The following SELENON variants were observed in gnomAD, a reference collection of about 807,000 sequenced individuals.
SELENON encodes the protein selenoprotein N.
A neutral mutation model predicts 59.5 loss-of-function variants in SELENON; 44 were observed. That is an observed-to-expected ratio of 0.74 (90% CI 0.58 to 0.95). The LOEUF is 0.95. Among genes scored for constraint, SELENON ranks in the 40% least tolerant of loss-of-function variants. The pLI is 0.00. For missense variants in SELENON, 674 were observed against 721.4 expected (o/e 0.93, Z 0.75); for synonymous variants, 320 against 305.6 (o/e 1.05, Z -0.49).
chr1:25,801,765 T>A (rs1392513469), intron 2 of SELENON, among the ~76,000 whole-genome samples: 4 of 152,174 alleles, frequency 2.6e-5, no homozygotes, highest in Non-Finnish European at 5.9e-5. Context: ...TCTTTAAACC[T>A]CACAGTAGCC....
intron 10 of SELENON, among the ~76,000 whole-genome samples, chr1:25,813,294 C>T (rs1425041281): frequency 6.6e-6 from 1 of 152,134 alleles, no homozygotes; most frequent in Non-Finnish European, 1.5e-5. Context: ...AGTGCCCCAC[C>T]CTCACCCCGT....
At chr1:25,805,360 C>T in intron 4 of SELENON, 85 bp downstream of exon 3, 1 of 1,583,392 alleles carries the variant, frequency 6.3e-7, no homozygotes, top group South Asian at 1.1e-5. Context: ...TTTCCTCTGC[C>T]CTCTGTGTGC....
intron 6 of SELENON, 60 bp from the exon 6 acceptor site, chr1:25,809,623 T>G: frequency 1.2e-6 from 2 of 1,607,774 alleles, no homozygotes; most frequent in Non-Finnish European, 1.7e-6. Context: ...TGGCCAAGGC[T>G]TCCCGGGCTC....
At chr1:25,815,526 C>T in intron 12 of SELENON, 22 bp from the exon 12 acceptor site, 2 of 1,613,396 alleles carry the variant, frequency 1.2e-6, no homozygotes, top group Non-Finnish European at 1.7e-6. Context: ...GCCCCACTTG[C>T]CTCACCCGGC....
intron 5 of SELENON, 97 bp from the exon 5 acceptor site, chr1:25,808,929 G>GAC: frequency 6.2e-7 from 1 of 1,602,038 alleles, no homozygotes; most frequent in Non-Finnish European, 8.5e-7. Context: ...CCTCCCCATG[G>GAC]GGCCCCTGGG....
chr1:25,811,879 G>C lies in SELENON; in HGVS notation c.1281G>C (p.Lys427Asn), dbSNP rs1467707939. 6.4e-7 allele frequency: 1 copy of C among 1,558,882 alleles called. No individual in the cohort carries two copies. The stretch of plus-strand genomic sequence containing the variant: ...AGGTGGCCATGTACCCCTTCAAGAA[G>C]GTGAGGCTGGGCAGGGGTGAAGGCC... The change falls in exon 9 of 13, where the codon AAG becomes AAC. Residue 427 changes from lysine to asparagine, a missense_variant and splice_region_variant. Coordinates refer to ENST00000361547, the MANE Select transcript of SELENON (RefSeq NM_020451.3).
chr1:25,804,525 CCTT>C (rs903880401), intron 3 of SELENON, among the ~76,000 whole-genome samples: 1 of 150,896 alleles, frequency 6.6e-6, no homozygotes, highest in Non-Finnish European at 1.5e-5. Context: ...CAAAATGAAT[CCTT>C]CTATACTGGG....
At position 25,815,700 on chromosome 1, in the gene SELENON, G is replaced by A. The variant is rs1438423000; in HGVS notation, c.1755G>A (p.Leu585=). The change falls in exon 13 of 13, where the codon CTG becomes CTA. Residue 585 remains leucine, a synonymous_variant. Transcript: ENST00000361547. ...TGAAGGAGGGACTCCGGCGTGGCCTGCCCCTCCTCCAGCCCTAGAGTGCCT... is the reference window on the plus strand; with the variant it reads ...TGAAGGAGGGACTCCGGCGTGGCCTACCCCTCCTCCAGCCCTAGAGTGCCT... 1 of 1,614,010 alleles carries A rather than the reference G, an allele frequency of 6.2e-7. No individual in the cohort carries two copies. The highest frequency in any genetic ancestry group is 1.7e-5 in the Admixed American group (1 of 60,024).
In SELENON at chr1:25,801,153, G is replaced by T. The variant is rs529092240; in HGVS notation, c.294G>T (p.Lys98Asn). 6.2e-7 allele frequency: 1 copy of T among 1,613,282 alleles called. No homozygotes were observed. Among genetic ancestry groups the T allele is most frequent in the Non-Finnish European group, 8.5e-7 (1 of 1,179,222 alleles). Residue 98 changes from lysine (K) to asparagine (N), a missense_variant, in exon 2 of 13, where the codon AAG becomes AAT. Physicochemically the swap from Lys to Asn is moderately conservative, Grantham distance 94. Transcript: ENST00000361547. ...AGGAGTTCAAACCCATTGCTGAGAA[G>T]CTAACAGGTACCAGGAGAGACTGGC...
chr1:25,802,989 T>C (rs2047872912), intron 3 of SELENON, among the ~76,000 whole-genome samples: 1 of 152,174 alleles, frequency 6.6e-6, no homozygotes, highest in Non-Finnish European at 1.5e-5. Flanking sequence ...ATTGTGTAGG[T>C]TGGTTCCGTG....
At position 25,800,712 on chromosome 1, in the gene SELENON, T is replaced by C. The variant is rs6676343; in HGVS notation, c.183+299T>C. On this transcript the variant is annotated intron_variant, in intron 1 of 12. Transcript: ENST00000361547. ...TGGTTCCCGCAGAGTCTTAAAGGGT[T>C]ACTGGGGAGCCCTGGGACAGTGAGG... Among the ~76,000 whole-genome samples the C allele has an allele frequency of 0.82, 124,006 of 151,198 alleles. 51,010 individuals are homozygous for C. Among genetic ancestry groups the C allele is most frequent in the East Asian group, 0.98 (4,995 of 5,106 alleles).
intron 1 of SELENON, 65 bp from the exon 2 acceptor site, chr1:25,800,978 G>C (rs1312334920): frequency 7.0e-6 from 9 of 1,290,230 alleles, no homozygotes; most frequent in South Asian, 5.9e-5. Context: ...GGAAGCAACT[G>C]CCTGTTGGGG....
Position 25,812,556 on chromosome 1 carries a change from TACACACAAACACAC to T in SELENON, c.1282-123_1282-110del, listed in dbSNP as rs1424842411. 728 of 527,930 alleles carry T rather than the reference TACACACAAACACAC, an allele frequency of 1.4e-3. 2 individuals are homozygous for T. Among genetic ancestry groups the T allele is most frequent in the African/African-American group, 0.013 (525 of 40,352 alleles). 32.7% of individuals were successfully genotyped at this position (527,930 alleles called of 1,614,324 possible). A position where few individuals can be genotyped will look rare whatever the true frequency, so the allele number is the denominator to read the frequency against. ...AGACATACACACAAATATATATGCC[TACACACAAACACAC>T]ACACACACACACACACACACACACA... On this transcript the variant is annotated intron_variant, in intron 9 of 12. Coordinates refer to ENST00000361547, the MANE Select transcript of SELENON (RefSeq NM_020451.3).
chr1:25,814,664 A>G (rs576880101), intron 12 of SELENON, among the ~76,000 whole-genome samples: 1 of 152,286 alleles, frequency 6.6e-6, no homozygotes, highest in South Asian at 2.1e-4. Context: ...TACCCATTTT[A>G]TAAACAAGGA....
chr1:25,815,951 C>T lies in SELENON; in HGVS notation c.*233C>T. On this transcript the variant is annotated 3_prime_UTR_variant, in exon 13 of 13. Transcript: ENST00000361547. ...CTCTAGCTCTGACTGTCACTCGGCT[C>T]TCCCTACCCATTTGGCTCTGGAAGC... 3.6e-6 allele frequency: 2 copies of T among 553,898 alleles called. No homozygotes were observed. Among genetic ancestry groups the T allele is most frequent in the Non-Finnish European group, 6.5e-6 (2 of 307,338 alleles). The allele number at this position is 553,898 out of a possible 1,614,324, so 34.3% of individuals were successfully genotyped here.
In SELENON at chr1:25,809,818, C is replaced by T. The variant is rs2047943490; in HGVS notation, c.1008C>T (p.His336=). Residue 336 remains histidine (H), a splice_region_variant and synonymous_variant, in exon 7 of 13, where the codon CAC becomes CAT. Coordinates refer to ENST00000361547, the MANE Select transcript of SELENON (RefSeq NM_020451.3). ...ACTTCCGGCTCTTCGTGCCCAACCA[C>T]AGGTGGGAGCTTGACCCTGGCCCAG... 1 of 1,613,472 alleles carries T rather than the reference C, an allele frequency of 6.2e-7. No individual in the cohort carries two copies. Among genetic ancestry groups the T allele is most frequent in the African/African-American group, 1.3e-5 (1 of 75,068 alleles).
Position 25,804,253 on chromosome 1 carries a change from G to A in SELENON, c.404-889G>A, listed in dbSNP as rs183887373. Among the ~76,000 whole-genome samples, 45 of 152,256 alleles carry A rather than the reference G, an allele frequency of 3.0e-4. 1 individual carries two copies. The East Asian group carries it at 8.7e-3, about 29-fold the overall frequency. On this transcript the variant is annotated intron_variant, in intron 3 of 12. Transcript: ENST00000361547. Reference sequence around the variant, plus strand: ...CACCCCTGCAGATTCTCATTCAGTAGGTCTGAGGTGGGTTGTGAGCATCTG... The same window carrying A: ...CACCCCTGCAGATTCTCATTCAGTAAGTCTGAGGTGGGTTGTGAGCATCTG...
At chr1:25,813,498 G>C (rs1175256938) in intron 10 of SELENON, 4 of 366,484 alleles carry the variant, frequency 1.1e-5, no homozygotes, top group African/African-American at 2.1e-5. Context: ...GGAAGGCTTT[G>C]TGAAGACAGT....
Position 25,815,835 on chromosome 1 carries a change from G to GT in SELENON, c.*117_*118insT. On this transcript the variant is annotated 3_prime_UTR_variant, in exon 13 of 13. Coordinates refer to ENST00000361547, the MANE Select transcript of SELENON (RefSeq NM_020451.3). ...CACCCCACTCCTAGGCTGCCTTGGA[G>GT]GGTACAAGATCCACTGAGGGTGGCC... 2.6e-6 allele frequency: 3 copies of GT among 1,138,156 alleles called. No homozygotes were observed. Among genetic ancestry groups the GT allele is most frequent in the Non-Finnish European group, 3.8e-6 (3 of 784,466 alleles). 70.5% of individuals were successfully genotyped at this position (1,138,156 alleles called of 1,614,324 possible).
Sources: gnomAD v4.1 joint callset for allele counts (sites outside exome capture counted in the v4.1 genomes callset) on GRCh38, gnomAD v4.1.1 for gene constraint, MANE v1.5 for transcripts, NCBI Gene and HGNC (gene_info 2026-07-23, HGNC 2026-07-21) for gene names.